Variants in CYTH4 observed in about 807,000 individuals in gnomAD.
CYTH4 encodes cytohesin 4, also known as cytohesin-4.
CYTH4 carries 22 observed loss-of-function variants against 57.5 expected under a neutral mutation model. That is an observed-to-expected ratio of 0.38 (90% confidence interval 0.27 to 0.55). The LOEUF (loss-of-function observed/expected upper bound fraction) is 0.55. Ranked by LOEUF, CYTH4 falls within the 20% of genes least tolerant of loss-of-function variation. The pLI, the probability that CYTH4 is intolerant of heterozygous loss-of-function variation, is 0.74. For synonymous variants in CYTH4, 186 were observed against 206.5 expected, an observed-to-expected ratio of 0.90 and a Z score of 0.85; for missense variants, 420 against 535.6, an observed-to-expected ratio of 0.78 and a Z score of 2.13.
chr22:37,309,158 C>A, intron 8 of CYTH4, 54 bp from the exon 9 acceptor site: 4 of 1,560,036 alleles, frequency 2.6e-6, no homozygotes, highest in Non-Finnish European at 3.5e-6. Flanking sequence ...AGGCCTAGGC[C>A]TTGGACTCGG....
chr22:37,285,487 C>T (rs1280935617), intron 1 of CYTH4, among the ~76,000 whole-genome samples: 1 of 152,056 alleles, frequency 6.6e-6, no homozygotes, highest in Non-Finnish European at 1.5e-5. Context: ...AGGTGGATCA[C>T]CAGAGGTCAG....
intron 8 of CYTH4, among the ~76,000 whole-genome samples, chr22:37,307,589 C>T (rs764791285): frequency 1.3e-5 from 2 of 152,118 alleles, no homozygotes; most frequent in Non-Finnish European, 2.9e-5. Context: ...TCAGAAAGGA[C>T]CTTAAAGAAC....
intron 1 of CYTH4, among the ~76,000 whole-genome samples, chr22:37,291,694 G>T (rs56291211): frequency 6.6e-6 from 1 of 152,144 alleles, no homozygotes. Context: ...CCAGGATGAA[G>T]ACTTTCTCTC....
intron 8 of CYTH4, among the ~76,000 whole-genome samples, chr22:37,308,776 A>C (rs553364765): frequency 6.7e-6 from 1 of 148,814 alleles, no homozygotes; most frequent in African/African-American, 2.5e-5. Context: ...GCGTGCCTGC[A>C]TGTGTGTATG....
intron 4 of CYTH4, 109 bp from the exon 5 acceptor site, chr22:37,297,455 C>A: frequency 2.1e-6 from 2 of 953,310 alleles, no homozygotes; most frequent in South Asian, 1.4e-5. Context: ...GTGCCAACAC[C>A]AGAATGCCAG....
intron 1 of CYTH4, 130 bp from the exon 2 acceptor site, chr22:37,292,491 C>T: frequency 1.2e-6 from 1 of 850,744 alleles, no homozygotes; most frequent in Non-Finnish European, 1.9e-6. Flanking sequence ...GGGGAGGCTT[C>T]CTGGAGGAGG....
At chr22:37,310,961 C>A in intron 9 of CYTH4, 27 bp from the exon 10 acceptor site, 2 of 1,613,148 alleles carry the variant, frequency 1.2e-6, no homozygotes, top group South Asian at 1.1e-5. Context: ...GGAGGACTGA[C>A]CAGCTTGCTA....
At chr22:37,300,049 A>G (rs1172704211) in intron 6 of CYTH4, 1 of 717,124 alleles carries the variant, frequency 1.4e-6, no homozygotes, top group African/African-American at 1.8e-5. Context: ...AATGGGGATA[A>G]TAATAGTACC....
chr22:37,302,962 G>C (rs1399534939), intron 7 of CYTH4, among the ~76,000 whole-genome samples: 3 of 152,274 alleles, frequency 2.0e-5, no homozygotes, highest in African/African-American at 7.2e-5. Flanking sequence ...TGAGCGAGAA[G>C]GAGGATTGAA....
chr22:37,313,431 C>G lies in CYTH4; in HGVS notation c.1113-8C>G, dbSNP rs1569113830. 6.2e-7 allele frequency: 1 copy of G among 1,613,954 alleles called. No homozygotes were observed. Among genetic ancestry groups the G allele is most frequent in the Non-Finnish European group, 8.5e-7 (1 of 1,179,830 alleles). ...CAGCCCTGAAATCTCTCCTCCCACT[C>G]ATTCTAGAGCCAGCATCACCCGTGT... On this transcript the variant is annotated splice_polypyrimidine_tract_variant and splice_region_variant and intron_variant, in intron 12 of 12. Transcript: ENST00000248901.
chr22:37,312,163 C>T lies in CYTH4; in HGVS notation c.1101C>T (p.Ile367=), dbSNP rs906517479. 7 of 1,613,976 alleles carry T rather than the reference C, an allele frequency of 4.3e-6. No homozygotes were observed. The East Asian group carries it at 8.9e-5, about 21-fold the overall frequency. The stretch of plus-strand genomic sequence containing the variant: ...GTGCCGAGGAACGTGACCAGTGGAT[C>T]GAGTCCATCCGGTAAGGGGTGCCCA... ...ATSAEERDQW[I]ESIRASITRV... The change falls in exon 12 of 13, where the codon ATC becomes ATT. Residue 367 remains isoleucine (I), a synonymous_variant. Coordinates refer to ENST00000248901, the MANE Select transcript of CYTH4 (RefSeq NM_013385.5).
At position 37,300,224 on chromosome 22, in the gene CYTH4, C is replaced by T. The variant is rs182743480; in HGVS notation, c.435-683C>T. On this transcript the variant is annotated intron_variant, in intron 6 of 12. Coordinates refer to ENST00000248901, the MANE Select transcript of CYTH4 (RefSeq NM_013385.5). ...GTTCACAATACAGAGAAGGAAGAAGCCACCACCATCCAGTGTTCTCTAACT... is the reference window on the plus strand; with the variant it reads ...GTTCACAATACAGAGAAGGAAGAAGTCACCACCATCCAGTGTTCTCTAACT... 1.1e-3 allele frequency: 800 copies of T among 717,246 alleles called. 9 individuals are homozygous for T. In the African/African-American group the frequency reaches 0.013, roughly 11 times the overall value. 44.4% of individuals were successfully genotyped at this position (717,246 alleles called of 1,614,324 possible). A position where few individuals can be genotyped will look rare whatever the true frequency, so the allele number is the denominator to read the frequency against.
At chr22:37,297,706 G>C in intron 5 of CYTH4, 24 bp downstream of exon 5, 1 of 1,597,026 alleles carries the variant, frequency 6.3e-7, no homozygotes, top group Non-Finnish European at 8.6e-7. Flanking sequence ...GAGCCTTAGC[G>C]AGGCAGGAAA....
Position 37,311,663 on chromosome 22 carries a change from C to A in CYTH4, c.957+136C>A. 1 of 866,410 alleles carries A rather than the reference C, an allele frequency of 1.2e-6. No homozygotes were observed. The highest frequency in any genetic ancestry group is 1.8e-6 in the Non-Finnish European group (1 of 543,902). The allele number at this position is 866,410 out of a possible 1,614,324, so 53.7% of individuals were successfully genotyped here. ...CTTACACCTTCCCTGTGGCTCAGGG[C>A]TGCCTTCTCTCCCTCCTGGGGCCAT... On this transcript the variant is annotated intron_variant, in intron 11 of 12. Transcript: ENST00000248901. The surrounding 1 kb of genome is among the most constrained non-coding windows in gnomAD (Gnocchi z 4.4).
At chr22:37,293,314 T>C (rs991773391) in intron 2 of CYTH4, among the ~76,000 whole-genome samples, 1 of 152,234 alleles carries the variant, frequency 6.6e-6, no homozygotes, top group African/African-American at 2.4e-5. Flanking sequence ...GCTGTTTCAT[T>C]GAGCACCTAC....
rs1298449345 is a variant in CYTH4, at chr22:37,295,361, TC to T, written c.168-633del. Reference sequence around the variant, plus strand: ...TCTCCACCTGTCCAGCCTCCTCCCCTCCCCCACCACACACATGCACACACAC... The same window carrying T: ...TCTCCACCTGTCCAGCCTCCTCCCCTCCCCACCACACACATGCACACACAC... On this transcript the variant is annotated intron_variant, in intron 3 of 12. Coordinates refer to ENST00000248901, the MANE Select transcript of CYTH4 (RefSeq NM_013385.5). This position sits in a 1 kb window ranked among gnomAD's most constrained non-coding sequence, Gnocchi z 4.1. Among the ~76,000 whole-genome samples the T allele has an allele frequency of 6.8e-6, 1 of 146,150 alleles. No individual in the cohort carries two copies. The highest frequency in any genetic ancestry group is 6.8e-5 in the Admixed American group (1 of 14,688).
intron 1 of CYTH4, among the ~76,000 whole-genome samples, chr22:37,287,239 G>T (rs4566465): frequency 6.6e-6 from 1 of 151,698 alleles, no homozygotes; most frequent in East Asian, 1.9e-4. Context: ...TGGGAGCCAG[G>T]AGCTGATGAA....
intron 1 of CYTH4, among the ~76,000 whole-genome samples, chr22:37,283,813 T>C (rs2284040): frequency 0.68 from 102,454 of 151,534 alleles, 35,113 homozygotes; most frequent in African/African-American, 0.8. Context: ...GGCACCTGGT[T>C]GGCACAGGGA....
At chr22:37,287,947 C>T (rs1384038551) in intron 1 of CYTH4, among the ~76,000 whole-genome samples, 2 of 152,206 alleles carry the variant, frequency 1.3e-5, no homozygotes, top group Non-Finnish European at 2.9e-5. Flanking sequence ...CAACTCCCTC[C>T]TGGAAACAGT....
Sources: allele counts gnomAD v4.1 joint callset (sites outside exome capture counted in the v4.1 genomes callset), GRCh38; gene constraint gnomAD v4.1.1; non-coding constraint Gnocchi (gnomAD v3.1); transcripts MANE v1.5; gene names NCBI Gene and HGNC (gene_info 2026-07-23, HGNC 2026-07-21).